ACP3: variants seen among roughly 807,000 people sequenced by gnomAD.
The protein encoded by ACP3 is prostatic acid phosphatase.
Under a neutral mutation model 45.6 loss-of-function variants are expected in ACP3, and 38 were observed. The ratio of observed to expected loss-of-function variants is 0.83; its 90% confidence interval spans 0.64 to 1.09. The LOEUF is 1.09. ACP3 is among the 50% of genes least tolerant of loss of function. The pLI is 0.00. For synonymous variants in ACP3, 162 were observed against 164.7 expected (o/e 0.98, Z 0.13); for missense variants, 466 against 463.2 (o/e 1.01, Z -0.05).
rs116268658 is a variant in ACP3, at chr3:132,349,663, G to A, written c.782-257G>A. Among the ~76,000 whole-genome samples, 245 of 152,212 alleles carry A rather than the reference G, an allele frequency of 1.6e-3. 1 individual carries two copies. Among genetic ancestry groups the A allele is most frequent in the Middle Eastern group, 0.01 (3 of 294 alleles). ...AATCCAGCTTTCCTTACCTGGCTGT[G>A]TGAGTCACTTAATATCTTTGGACTT... On this transcript the variant is annotated intron_variant, in intron 7 of 9. Coordinates refer to ENST00000336375, the MANE Select transcript of ACP3 (RefSeq NM_001099.5).
At chr3:132,321,493 C>T (rs564137848) in intron 1 of ACP3, among the ~76,000 whole-genome samples, 1 of 152,228 alleles carries the variant, frequency 6.6e-6, no homozygotes, top group Non-Finnish European at 1.5e-5. Context: ...TTTTCAAAGA[C>T]ATTTGCCGGA....
chr3:132,329,104 C>T (rs1486716648), intron 2 of ACP3, among the ~76,000 whole-genome samples: 1 of 152,176 alleles, frequency 6.6e-6, no homozygotes, highest in African/African-American at 2.4e-5. Flanking sequence ...AGTCACTGTT[C>T]CAAAGCCCTA....
chr3:132,343,172 A>G (rs546827738), intron 6 of ACP3, among the ~76,000 whole-genome samples: 4 of 152,322 alleles, frequency 2.6e-5, no homozygotes, highest in South Asian at 2.1e-4. Flanking sequence ...TCAAGGTTAC[A>G]TGGTGTTTCT....
chr3:132,345,510 GT>G (rs1234140884), intron 7 of ACP3, among the ~76,000 whole-genome samples: 1 of 152,096 alleles, frequency 6.6e-6, no homozygotes, highest in Non-Finnish European at 1.5e-5. Flanking sequence ...AAAGTGGCCT[GT>G]TTTCCTGAAA....
chr3:132,342,497 A>C (rs1937563123), intron 5 of ACP3, 55 bp from the exon 6 acceptor site: 1 of 1,240,066 alleles, frequency 8.1e-7, no homozygotes, highest in Non-Finnish European at 1.2e-6. Context: ...AATATCAATA[A>C]TGCTGAAGCT....
chr3:132,365,735 C>G (rs1168723566), intron 10 of ACP3, among the ~76,000 whole-genome samples: 1 of 149,470 alleles, frequency 6.7e-6, no homozygotes, highest in Non-Finnish European at 1.5e-5. Flanking sequence ...AATCCCAGCA[C>G]TTTGGGAGGT....
At chr3:132,334,036 A>C (rs973337149) in intron 4 of ACP3, among the ~76,000 whole-genome samples, 1 of 152,192 alleles carries the variant, frequency 6.6e-6, no homozygotes, top group African/African-American at 2.4e-5. Context: ...GCACCGTTGC[A>C]CTCCAGCTTG....
chr3:132,355,139 C>A (rs188039172), intron 9 of ACP3, among the ~76,000 whole-genome samples: 2 of 152,342 alleles, frequency 1.3e-5, no homozygotes, highest in Non-Finnish European at 2.9e-5. Flanking sequence ...CACTTGCAGG[C>A]AGCTTGTAGA....
chr3:132,353,741 C>T (rs1484849539), intron 9 of ACP3, among the ~76,000 whole-genome samples: 2 of 152,212 alleles, frequency 1.3e-5, no homozygotes, highest in African/African-American at 2.4e-5. Context: ...TAATGATCTG[C>T]TGTGGCCATC....
At chr3:132,337,219 C>A in intron 4 of ACP3, 3 of 346,422 alleles carry the variant, frequency 8.7e-6, no homozygotes, top group Non-Finnish European at 1.6e-5. Context: ...TATATTATGG[C>A]AAGTTTATGA....
chr3:132,339,900 C>A (rs1559835344), intron 5 of ACP3, among the ~76,000 whole-genome samples: 1 of 152,138 alleles, frequency 6.6e-6, no homozygotes, highest in Non-Finnish European at 1.5e-5. Context: ...TTCTGGTGAC[C>A]AACCCCCATC....
intron 2 of ACP3, among the ~76,000 whole-genome samples, chr3:132,329,560 C>A (rs1036310742): frequency 6.6e-5 from 10 of 152,174 alleles, no homozygotes. Context: ...AGAGAGGCTA[C>A]AAAAATTCAG....
At chr3:132,352,301 G>A (rs989882623) in intron 8 of ACP3, among the ~76,000 whole-genome samples, 12 of 151,324 alleles carry the variant, frequency 7.9e-5, no homozygotes, top group Non-Finnish European at 1.6e-4. Flanking sequence ...GGGTTCAAGC[G>A]ATTCTCCTGC....
chr3:132,322,205 AGT>A (rs1366685201), intron 1 of ACP3, among the ~76,000 whole-genome samples: 1 of 152,144 alleles, frequency 6.6e-6, no homozygotes, highest in East Asian at 1.9e-4. Context: ...CATAATACAC[AGT>A]TTTTACAGCT....
At chr3:132,324,042 A>G (rs889566084) in intron 1 of ACP3, among the ~76,000 whole-genome samples, 3 of 152,066 alleles carry the variant, frequency 2.0e-5, no homozygotes, top group African/African-American at 7.2e-5. Flanking sequence ...ACATGGCGAA[A>G]CCCCGTCTCT....
chr3:132,352,559 C>T (rs1188007937), intron 8 of ACP3, among the ~76,000 whole-genome samples, 161 bp from the exon 9 acceptor site: 1 of 152,126 alleles, frequency 6.6e-6, no homozygotes, highest in Admixed American at 6.5e-5. Flanking sequence ...CCTAGCACAC[C>T]GCTAATGCTC....
chr3:132,347,996 C>T (rs1226019993), intron 7 of ACP3, among the ~76,000 whole-genome samples: 1 of 152,142 alleles, frequency 6.6e-6, no homozygotes, highest in Non-Finnish European at 1.5e-5. Context: ...AGCCCACTAC[C>T]TGGTTTTGTA....
chr3:132,342,492 C>A, intron 5 of ACP3, 60 bp from the exon 6 acceptor site: 1 of 1,204,226 alleles, frequency 8.3e-7, no homozygotes, highest in Non-Finnish European at 1.2e-6. Flanking sequence ...CCCAAAATAT[C>A]AATAATGCTG....
At position 132,332,323 on chromosome 3, in the gene ACP3, A is replaced by T. The variant is rs374784580; in HGVS notation, c.435A>T (p.Thr145=). 6.2e-7 allele frequency: 1 copy of T among 1,614,124 alleles called. No individual in the cohort carries two copies. Among genetic ancestry groups the T allele is most frequent in the Admixed American group, 1.7e-5 (1 of 60,020 alleles). ...TCTGGCAGCCCATCCCGGTGCACAC[A>T]GTTCCTCTTTCTGAAGATCAGGTCA... The part of the protein sequence containing the change: ...ILLWQPIPVH[T]VPLSEDQLLY... The change falls in exon 4 of 10, where the codon ACA becomes ACT. Residue 145 remains threonine, a synonymous_variant. Transcript: ENST00000336375.
Sources: gnomAD v4.1 joint callset for allele counts (sites outside exome capture counted in the v4.1 genomes callset) on GRCh38, gnomAD v4.1.1 for gene constraint, MANE v1.5 for transcripts, NCBI Gene and HGNC (gene_info 2026-07-23, HGNC 2026-07-21) for gene names.